Variants in FGF14 observed in about 807,000 individuals in gnomAD.
FGF14 encodes fibroblast growth factor 14.
Under a neutral mutation model 25.5 loss-of-function variants are expected in FGF14, and 5 were observed. That is an observed-to-expected ratio of 0.20 (90% CI 0.10 to 0.41). The LOEUF (loss-of-function observed/expected upper bound fraction) is 0.41. Ranked by LOEUF, FGF14 falls within the 10% of genes least tolerant of loss-of-function variation. FGF14 has a pLI of 1.00. For synonymous variants in FGF14, 138 were observed against 118.3 expected (o/e 1.17, Z -1.08); for missense variants, 222 against 320.1 (o/e 0.69, Z 2.34).
chr13:102,323,940 G>C (rs1276847193), intron 1 of FGF14, among the ~76,000 whole-genome samples: 4 of 147,056 alleles, frequency 2.7e-5, no homozygotes, highest in African/African-American at 1.0e-4. Context: ...ACTCTTTAAA[G>C]GATCCCAACG....
chr13:101,724,253 C>T (rs564923716), intron 4 of FGF14, among the ~76,000 whole-genome samples: 1 of 152,060 alleles, frequency 6.6e-6, no homozygotes, highest in Admixed American at 6.6e-5. Flanking sequence ...CACATATACA[C>T]CATGGAATAC....
intron 1 of FGF14, among the ~76,000 whole-genome samples, chr13:102,013,048 G>A (rs867802253): frequency 3.3e-5 from 5 of 152,012 alleles, no homozygotes; most frequent in Non-Finnish European, 7.4e-5. Context: ...CCAGCTACTC[G>A]AGAGGTTGAG....
chr13:102,052,525 G>A (rs1436254623), intron 1 of FGF14, among the ~76,000 whole-genome samples: 1 of 151,032 alleles, frequency 6.6e-6, no homozygotes, highest in African/African-American at 2.4e-5. Context: ...GATACTAAAA[G>A]TAACAAGAGA....
intron 1 of FGF14, among the ~76,000 whole-genome samples, chr13:102,374,184 T>A (rs182002357): frequency 6.6e-6 from 1 of 152,292 alleles, no homozygotes; most frequent in East Asian, 1.9e-4. Flanking sequence ...TCTTTCTAGA[T>A]GTAGTTTCAA....
intron 3 of FGF14, among the ~76,000 whole-genome samples, chr13:101,857,449 C>T (rs141450156): frequency 1.7e-4 from 26 of 152,014 alleles, no homozygotes; most frequent in African/African-American, 6.3e-4. Flanking sequence ...ATCTTAAAAC[C>T]AAGGTCTAAC....
chr13:102,234,744 A>G (rs2051252754), intron 1 of FGF14, among the ~76,000 whole-genome samples: 1 of 152,210 alleles, frequency 6.6e-6, no homozygotes, highest in Non-Finnish European at 1.5e-5. Flanking sequence ...CATTGAATGC[A>G]TATTAGTCAT....
chr13:102,155,824 G>T (rs1481441366), intron 1 of FGF14, among the ~76,000 whole-genome samples: 1 of 151,916 alleles, frequency 6.6e-6, no homozygotes, highest in East Asian at 1.9e-4. Flanking sequence ...TGATAAAGGG[G>T]ATATCACCAC....
chr13:101,974,127 A>G (rs561965778), intron 1 of FGF14, among the ~76,000 whole-genome samples: 45 of 152,238 alleles, frequency 3.0e-4, no homozygotes, highest in Non-Finnish European at 5.9e-4. Context: ...TCAAGAGAGA[A>G]TAAGTCCATA....
At chr13:102,029,868 T>C (rs2041123555) in intron 1 of FGF14, among the ~76,000 whole-genome samples, 1 of 152,088 alleles carries the variant, frequency 6.6e-6, no homozygotes, top group Admixed American at 6.6e-5. Flanking sequence ...ACATCTTGTG[T>C]CTTGTGCCCC....
chr13:102,013,084 G>A (rs1375700713), intron 1 of FGF14, among the ~76,000 whole-genome samples: 1 of 152,036 alleles, frequency 6.6e-6, no homozygotes, highest in Non-Finnish European at 1.5e-5. Flanking sequence ...GAGCCCAGGG[G>A]GTGAAGGATA....
chr13:102,217,962 A>G (rs1292281884), intron 1 of FGF14, among the ~76,000 whole-genome samples: 2 of 152,168 alleles, frequency 1.3e-5, no homozygotes, highest in Admixed American at 6.5e-5. Context: ...TAAAAAAAAT[A>G]TGCACATATA....
chr13:101,960,794 T>TA (rs1446444238), intron 1 of FGF14, among the ~76,000 whole-genome samples: 1 of 152,242 alleles, frequency 6.6e-6, no homozygotes, highest in Non-Finnish European at 1.5e-5. Flanking sequence ...GTTGAACTAA[T>TA]GTACATTCCC....
At chr13:102,120,669 A>G (rs660557) in intron 1 of FGF14, among the ~76,000 whole-genome samples, 102,861 of 151,572 alleles carry the variant, frequency 0.68, 36,389 homozygotes, top group East Asian at 0.9. Flanking sequence ...ACAACACAGC[A>G]TAGCCTTGCG....
In FGF14 at chr13:102,265,434, T is replaced by C. The variant is rs137928587; in HGVS notation, c.208+136037A>G. The stretch of plus-strand genomic sequence containing the variant: ...AGACTTGGTGAAAAATAATAGCGCA[T>C]CTGAATATAATTCAAGCAAAAGGCA... On this transcript the variant is annotated intron_variant, in intron 1 of 4. Coordinates refer to the FGF14 transcript ENST00000376131. Among the ~76,000 whole-genome samples, 530 of 152,172 alleles carry C rather than the reference T, an allele frequency of 3.5e-3. 10 individuals carry two copies. Among genetic ancestry groups the C allele is most frequent in the Admixed American group, 0.028 (422 of 15,264 alleles).
At chr13:102,365,776 A>G (rs1384589388) in intron 1 of FGF14, among the ~76,000 whole-genome samples, 1 of 152,084 alleles carries the variant, frequency 6.6e-6, no homozygotes, top group Non-Finnish European at 1.5e-5. Flanking sequence ...ATAGTTATAT[A>G]TAGTTTATAT....
At chr13:102,127,814 G>C (rs1221981065) in intron 1 of FGF14, among the ~76,000 whole-genome samples, 1 of 152,182 alleles carries the variant, frequency 6.6e-6, no homozygotes, top group Non-Finnish European at 1.5e-5. Flanking sequence ...GAGATTGTTA[G>C]AAGTGCTACA....
chr13:101,790,314 A>G (rs952422153), intron 3 of FGF14, among the ~76,000 whole-genome samples: 1 of 152,128 alleles, frequency 6.6e-6, no homozygotes, highest in Non-Finnish European at 1.5e-5. Context: ...TTTAAGAACT[A>G]AGCTGTTCCT....
intron 3 of FGF14, among the ~76,000 whole-genome samples, chr13:101,791,112 C>A (rs964748168): frequency 6.6e-6 from 1 of 152,168 alleles, no homozygotes; most frequent in South Asian, 2.1e-4. Context: ...AAGTCCTGTG[C>A]TCTGTCTCTT....
chr13:102,129,357 G>A (rs543862529), intron 1 of FGF14, among the ~76,000 whole-genome samples: 1 of 152,284 alleles, frequency 6.6e-6, no homozygotes, highest in African/African-American at 2.4e-5. Flanking sequence ...TTGAAGCAGA[G>A]CAGTTCATTA....
Sources: allele counts gnomAD v4.1 joint callset (sites outside exome capture counted in the v4.1 genomes callset), GRCh38; gene constraint gnomAD v4.1.1; transcripts MANE v1.5; gene names NCBI Gene and HGNC (gene_info 2026-07-23, HGNC 2026-07-21).